Variants in GAD2 observed in about 807,000 individuals in gnomAD.
GAD2 encodes the protein glutamate decarboxylase 2.
Under a neutral mutation model 80.1 loss-of-function variants are expected in GAD2, and 22 were observed. The ratio of observed to expected loss-of-function variants is 0.27; its 90% confidence interval spans 0.20 to 0.39. The LOEUF (loss-of-function observed/expected upper bound fraction) is 0.39. GAD2 is among the 10% of genes least tolerant of loss of function. GAD2 has a pLI of 1.00. For missense variants in GAD2, 624 were observed against 738.4 expected (o/e 0.85, Z 1.80); for synonymous variants, 274 against 256.9 (o/e 1.07, Z -0.64).
chr10:26,222,028 G>A (rs1844458947), intron 4 of GAD2, among the ~76,000 whole-genome samples: 1 of 152,188 alleles, frequency 6.6e-6, no homozygotes, highest in Admixed American at 6.5e-5. Flanking sequence ...GCCAGAAATC[G>A]AGAGAGCCTG....
chr10:26,286,033 T>C (rs1159043501), intron 12 of GAD2, among the ~76,000 whole-genome samples: 1 of 152,154 alleles, frequency 6.6e-6, no homozygotes, highest in Non-Finnish European at 1.5e-5. Context: ...TATGCTCTGG[T>C]TGTGATTTTT....
intron 15 of GAD2, among the ~76,000 whole-genome samples, chr10:26,294,166 T>C (rs1834248953): frequency 6.6e-6 from 1 of 152,194 alleles, no homozygotes. Flanking sequence ...GGGGTTCTTT[T>C]CATTTATCAT....
At chr10:26,282,507 A>G (rs1845282864) in intron 12 of GAD2, among the ~76,000 whole-genome samples, 1 of 152,050 alleles carries the variant, frequency 6.6e-6, no homozygotes, top group Admixed American at 6.6e-5. Flanking sequence ...CCTCATATAT[A>G]CATGTTGATT....
At chr10:26,218,316 G>A in intron 3 of GAD2, 1 of 277,868 alleles carries the variant, frequency 3.6e-6, no homozygotes, top group Admixed American at 5.1e-5. Flanking sequence ...CTAGGCCGCT[G>A]GGGCCTCGGG....
At chr10:26,293,989 G>A (rs1834246954) in intron 15 of GAD2, among the ~76,000 whole-genome samples, 1 of 152,168 alleles carries the variant, frequency 6.6e-6, no homozygotes, top group African/African-American at 2.4e-5. Context: ...ATGGTACTGT[G>A]GTAAGACACC....
chr10:26,257,861 G>C (rs984519167), intron 8 of GAD2, among the ~76,000 whole-genome samples: 1 of 152,170 alleles, frequency 6.6e-6, no homozygotes, highest in African/African-American at 2.4e-5. Flanking sequence ...CTGAGGGGTC[G>C]TTAGGGATGC....
intron 7 of GAD2, among the ~76,000 whole-genome samples, chr10:26,236,801 A>T (rs1191622245): frequency 6.6e-6 from 1 of 152,154 alleles, no homozygotes; most frequent in Non-Finnish European, 1.5e-5. Context: ...AAATCTATTT[A>T]CCTTCAGCAC....
chr10:26,296,235 A>G (rs894386276), intron 15 of GAD2, among the ~76,000 whole-genome samples: 4 of 152,118 alleles, frequency 2.6e-5, no homozygotes, highest in Non-Finnish European at 4.4e-5. Context: ...CCTATCTCCT[A>G]ATATCATCAC....
rs375743827 is a variant in GAD2, at chr10:26,292,565, A to T, written c.1487A>T (p.Asp496Val). 98 of 1,606,548 alleles carry T rather than the reference A, an allele frequency of 6.1e-5. No individual in the cohort carries two copies. The highest frequency in any genetic ancestry group is 8.3e-5 in the Non-Finnish European group (97 of 1,173,156). ...KNREGYEMVF[D>V]GKPQHTNVCF... ...CGAGAAGGATATGAGATGGTGTTTGATGGGAAGGTATGTATTTGGATTTCT... is the reference window on the plus strand; with the variant it reads ...CGAGAAGGATATGAGATGGTGTTTGTTGGGAAGGTATGTATTTGGATTTCT... The change falls in exon 14 of 16, where the codon GAT becomes GTT. Residue 496 changes from aspartate (D) to valine (V), a missense_variant. Physicochemically the swap from Asp to Val is radical, Grantham distance 152. Coordinates refer to ENST00000376261, the MANE Select transcript of GAD2 (RefSeq NM_001134366.2).
At position 26,256,573 on chromosome 10, in the gene GAD2, A is replaced by G. The variant is rs75217658; in HGVS notation, c.920+10573A>G. Among the ~76,000 whole-genome samples the G allele has an allele frequency of 4.0e-3, 613 of 152,178 alleles. 3 individuals carry two copies. The highest frequency in any genetic ancestry group is 0.014 in the African/African-American group (595 of 41,492). On this transcript the variant is annotated intron_variant, in intron 8 of 15. Transcript: ENST00000376261. ...TCTGCCTGCCTTTGTCTCTCATGAC[A>G]TTGATGTTTTTTATGAGTAGAGACC...
chr10:26,240,800 G>A (rs1844732312), intron 7 of GAD2, among the ~76,000 whole-genome samples: 2 of 151,500 alleles, frequency 1.3e-5, no homozygotes, highest in African/African-American at 4.9e-5. Flanking sequence ...GGGAGGCCGA[G>A]GCGGGGTGGG....
chr10:26,284,505 G>A (rs1845306953), intron 12 of GAD2, among the ~76,000 whole-genome samples: 1 of 151,166 alleles, frequency 6.6e-6, no homozygotes, highest in Admixed American at 6.6e-5. Flanking sequence ...CCTTCTGTAG[G>A]GAAAACAGCA....
intron 8 of GAD2, among the ~76,000 whole-genome samples, chr10:26,249,686 G>T (rs1844855010): frequency 6.6e-6 from 1 of 152,200 alleles, no homozygotes. Context: ...AATCAGGTGT[G>T]ACCGCAGAAG....
intron 8 of GAD2, among the ~76,000 whole-genome samples, chr10:26,265,566 A>G (rs1845063176): frequency 6.6e-6 from 1 of 152,134 alleles, no homozygotes; most frequent in Admixed American, 6.5e-5. Context: ...CACCTTGTCC[A>G]AAGCAGCAGT....
Position 26,247,309 on chromosome 10 carries a change from G to A in GAD2, c.920+1309G>A, listed in dbSNP as rs893746761. Among the ~76,000 whole-genome samples, 13 of 152,260 alleles carry A rather than the reference G, an allele frequency of 8.5e-5. No homozygotes were observed. In the South Asian group the frequency reaches 1.7e-3, roughly 19 times the overall value. ...AGGAGGATGACCAGAAGTCACTCTC[G>A]TGGCCATCTTGGTTTTGGTGGGTTT... On this transcript the variant is annotated intron_variant, in intron 8 of 15. Coordinates refer to ENST00000376261, the MANE Select transcript of GAD2 (RefSeq NM_001134366.2).
chr10:26,217,714 C>T lies in GAD2; in HGVS notation c.136+45C>T, dbSNP rs1272821134. The T allele has an allele frequency of 6.2e-7, 1 of 1,604,470 alleles. No individual in the cohort carries two copies. Among genetic ancestry groups the T allele is most frequent in the Admixed American group, 1.7e-5 (1 of 58,702 alleles). ...GGCGGCCAAGGTCGGCCCGCGGGGT[C>T]CAAGCAGTCTTCTCACCTCCGCATC... On this transcript the variant is annotated intron_variant, in intron 2 of 15. Coordinates refer to ENST00000376261, the MANE Select transcript of GAD2 (RefSeq NM_001134366.2). The surrounding 1 kb of genome is among the most constrained non-coding windows in gnomAD (Gnocchi z 4.9).
At chr10:26,237,076 T>G (rs1844681332) in intron 7 of GAD2, among the ~76,000 whole-genome samples, 2 of 152,134 alleles carry the variant, frequency 1.3e-5, no homozygotes, top group South Asian at 4.1e-4. Flanking sequence ...TCCCTTCCTT[T>G]AGTGCTGCAG....
intron 10 of GAD2, among the ~76,000 whole-genome samples, chr10:26,271,951 G>T (rs1426246911): frequency 6.6e-6 from 1 of 152,066 alleles, no homozygotes; most frequent in African/African-American, 2.4e-5. Context: ...GTAGAGATGG[G>T]ATTTCTCCAT....
intron 7 of GAD2, among the ~76,000 whole-genome samples, chr10:26,235,348 A>T (rs911112103): frequency 2.6e-5 from 4 of 152,222 alleles, no homozygotes; most frequent in African/African-American, 4.8e-5. Flanking sequence ...TCACATATTC[A>T]TGAAGGGAAG....
Sources: allele counts gnomAD v4.1 joint callset (sites outside exome capture counted in the v4.1 genomes callset), GRCh38; gene constraint gnomAD v4.1.1; non-coding constraint Gnocchi (gnomAD v3.1); transcripts MANE v1.5; gene names NCBI Gene and HGNC (gene_info 2026-07-23, HGNC 2026-07-21).